The following CACNA1I variants were observed in gnomAD, a reference collection of about 807,000 sequenced individuals.
The protein encoded by CACNA1I is calcium voltage-gated channel subunit alpha1 I.
In CACNA1I, 74 loss-of-function variants were observed where a neutral mutation model predicts 201.6. The observed-to-expected ratio is 0.37, with a 90% CI of 0.30 to 0.45. CACNA1I has a LOEUF of 0.45. Among genes scored for constraint, CACNA1I ranks in the 20% least tolerant of loss-of-function variants. CACNA1I has a pLI of 1.00. For synonymous variants in CACNA1I, 1,431 were observed against 1,345.2 expected, an observed-to-expected ratio of 1.06 and a Z score of -1.40; for missense variants, 2,346 against 3,138.1, an observed-to-expected ratio of 0.75 and a Z score of 6.03.
At chr22:39,589,042 G>C (rs945257206) in intron 1 of CACNA1I, among the ~76,000 whole-genome samples, 2 of 152,156 alleles carry the variant, frequency 1.3e-5, no homozygotes, top group Non-Finnish European at 2.9e-5. Context: ...GGGCTGTCCT[G>C]TACGTTGTAG....
intron 1 of CACNA1I, among the ~76,000 whole-genome samples, chr22:39,573,128 C>G (rs1932239935): frequency 6.6e-6 from 1 of 152,012 alleles, no homozygotes; most frequent in African/African-American, 2.4e-5. Context: ...GAGTGCCAGG[C>G]CTGAGAAGGG....
chr22:39,658,040 G>T, intron 10 of CACNA1I, 112 bp from the exon 11 acceptor site: 1 of 1,092,542 alleles, frequency 9.2e-7, no homozygotes, highest in South Asian at 1.4e-5. Context: ...ACGGAGGTAT[G>T]GTGAGGACAC....
chr22:39,622,116 A>C (rs1025248883), intron 4 of CACNA1I, among the ~76,000 whole-genome samples: 2 of 152,082 alleles, frequency 1.3e-5, no homozygotes, highest in African/African-American at 2.4e-5. Flanking sequence ...ACCTGACTTT[A>C]CTGGGAAATG....
In CACNA1I at chr22:39,600,738, A is replaced by G. The variant is rs965498629; in HGVS notation, c.482+85A>G. The G allele has an allele frequency of 9.7e-6, 14 of 1,449,236 alleles. No individual in the cohort carries two copies. The African/African-American group carries it at 1.6e-4, about 16-fold the overall frequency. 89.8% of individuals were successfully genotyped at this position (1,449,236 alleles called of 1,614,324 possible). A position where few individuals can be genotyped will look rare whatever the true frequency, so the allele number is the denominator to read the frequency against. On this transcript the variant is annotated intron_variant, in intron 3 of 36. Transcript: ENST00000402142. The stretch of plus-strand genomic sequence containing the variant: ...AATCCAGGGCTTCTTGCTGATGGCG[A>G]TGAAGGGGAATCACGGTGATGCGTG...
intron 5 of CACNA1I, among the ~76,000 whole-genome samples, chr22:39,639,468 T>C (rs1934300105): frequency 6.6e-6 from 1 of 152,234 alleles, no homozygotes; most frequent in Non-Finnish European, 1.5e-5. Context: ...TTTGTGGTGA[T>C]GTTCATTGCA....
At chr22:39,601,195 T>A (rs1466473773) in intron 3 of CACNA1I, among the ~76,000 whole-genome samples, 13 of 152,202 alleles carry the variant, frequency 8.5e-5, no homozygotes. Context: ...AACCCATCCA[T>A]GCATTCATCC....
Position 39,642,671 on chromosome 22 carries a change from A to C in CACNA1I, c.1057-126A>C. The C allele has an allele frequency of 6.1e-6, 4 of 661,116 alleles. No individual in the cohort carries two copies. In the South Asian group the frequency reaches 7.0e-5, roughly 12 times the overall value. The allele number at this position is 661,116 out of a possible 1,614,324, so 41.0% of individuals were successfully genotyped here. ...ATGTGCCTTGTCCAGCCCCTGTGAG[A>C]CAGACTCGAGGCAGCATGTGTGATG... On this transcript the variant is annotated intron_variant, in intron 6 of 36. Transcript: ENST00000402142.
intron 4 of CACNA1I, among the ~76,000 whole-genome samples, chr22:39,627,632 G>A (rs1174671523): frequency 6.6e-6 from 1 of 152,256 alleles, no homozygotes; most frequent in Non-Finnish European, 1.5e-5. Context: ...GGCATTTGTT[G>A]GACAGTTCTG....
At position 39,674,046 on chromosome 22, in the gene CACNA1I, CT is replaced by C; in HGVS notation, c.4854+16del. 2.5e-6 allele frequency: 4 copies of C among 1,612,342 alleles called. No individual in the cohort carries two copies. Among genetic ancestry groups the C allele is most frequent in the Non-Finnish European group, 3.4e-6 (4 of 1,179,310 alleles). On this transcript the variant is annotated intron_variant, in intron 29 of 36. Transcript: ENST00000402142. ...AGCTTTGCCCCAGGTAAGAGCCACT[CT>C]TTCTGGCAGCCCTCCTAGGGGTCAT...
chr22:39,581,183 C>T (rs1932535633), intron 1 of CACNA1I, among the ~76,000 whole-genome samples: 1 of 152,124 alleles, frequency 6.6e-6, no homozygotes, highest in Admixed American at 6.5e-5. Flanking sequence ...AGAAGGAAGC[C>T]TCAGAGCTAG....
intron 1 of CACNA1I, among the ~76,000 whole-genome samples, chr22:39,589,966 C>A (rs1932802735): frequency 6.6e-6 from 1 of 152,160 alleles, no homozygotes; most frequent in African/African-American, 2.4e-5. Flanking sequence ...CCCAGCACTC[C>A]CGCCCCCACC....
intron 7 of CACNA1I, among the ~76,000 whole-genome samples, chr22:39,644,195 C>T (rs1246928768): frequency 2.0e-5 from 3 of 152,194 alleles, no homozygotes; most frequent in Non-Finnish European, 4.4e-5. Flanking sequence ...AGCCACAAGC[C>T]CCTGGGGTTG....
intron 11 of CACNA1I, 23 bp downstream of exon 11, chr22:39,658,326 G>A (rs373170725): frequency 2.4e-4 from 389 of 1,609,484 alleles, no homozygotes; most frequent in Non-Finnish European, 3.0e-4. Context: ...CAACCCACCC[G>A]GCAGCAGAGT....
rs1057359484 is a variant in CACNA1I at position 39,649,526 on chromosome 22, G to A, written c.1593G>A (p.Leu531=). 1.3e-6 allele frequency: 2 copies of A among 1,561,552 alleles called. No individual in the cohort carries two copies. The highest frequency in any genetic ancestry group is 1.9e-5 in the Admixed American group (1 of 53,118). The change falls in exon 10 of 37, where the codon CTG becomes CTA. Residue 531 remains leucine (L), a synonymous_variant. Coordinates refer to ENST00000402142, the MANE Select transcript of CACNA1I (RefSeq NM_021096.4). The surrounding 1 kb of genome is among the most constrained non-coding windows in gnomAD (Gnocchi z 7.3). ...GRELCPQHSP[L]DATPHTLVQP... ...AGCTGTGCCCGCAACATAGCCCCCT[G>A]GATGCGACGCCCCACACCCTGGTGC...
intron 28 of CACNA1I, 46 bp from the exon 29 acceptor site, chr22:39,673,917 C>T (rs1382857014): frequency 6.3e-7 from 1 of 1,589,326 alleles, no homozygotes; most frequent in Admixed American, 1.7e-5. Flanking sequence ...CACACACGTC[C>T]CCACCGGCCT....
At chr22:39,654,401 G>C (rs1934751674) in intron 10 of CACNA1I, among the ~76,000 whole-genome samples, 1 of 152,210 alleles carries the variant, frequency 6.6e-6, no homozygotes, top group Non-Finnish European at 1.5e-5. Context: ...AAAAACAGAG[G>C]GTTGGGGCGC....
At chr22:39,590,400 C>G (rs1569050316) in intron 1 of CACNA1I, among the ~76,000 whole-genome samples, 1 of 152,206 alleles carries the variant, frequency 6.6e-6, no homozygotes, top group African/African-American at 2.4e-5. Context: ...TGGAGCATCT[C>G]TCTTCCTGAC....
chr22:39,597,181 C>T (rs73169372), intron 1 of CACNA1I, among the ~76,000 whole-genome samples: 2,938 of 152,292 alleles, frequency 0.019, 42 homozygotes, highest in Middle Eastern at 0.044. Context: ...CTGGAGATCC[C>T]GTTGGGGAGA....
At chr22:39,579,302 G>A (rs5757736) in intron 1 of CACNA1I, among the ~76,000 whole-genome samples, 55,472 of 152,102 alleles carry the variant, frequency 0.36, 11,277 homozygotes, top group East Asian at 0.74. Context: ...ACTGAGGCCC[G>A]GGAAGGGAGC....
Sources: allele counts gnomAD v4.1 joint callset (sites outside exome capture counted in the v4.1 genomes callset), GRCh38; gene constraint gnomAD v4.1.1; non-coding constraint Gnocchi (gnomAD v3.1); transcripts MANE v1.5; gene names NCBI Gene and HGNC (gene_info 2026-07-23, HGNC 2026-07-21).